The following SDK2 variants were observed in gnomAD, a reference collection of about 807,000 sequenced individuals.
SDK2 encodes protein sidekick-2.
In SDK2, 105 loss-of-function variants were observed where a neutral mutation model predicts 253.9. The observed-to-expected ratio is 0.41, with a 90% CI of 0.35 to 0.49. The LOEUF is 0.49. Ranked by LOEUF, SDK2 falls within the 20% of genes least tolerant of loss-of-function variation. The pLI, the probability that SDK2 is intolerant of heterozygous loss-of-function variation, is 0.06. For synonymous variants in SDK2, 1,249 were observed against 1,234.9 expected (o/e 1.01, Z -0.24); for missense variants, 2,608 against 3,003.0 (o/e 0.87, Z 3.07).
Position 73,401,998 on chromosome 17 carries a change from G to A in SDK2, c.2628C>T (p.Thr876=). 1 of 1,613,734 alleles carries A rather than the reference G, an allele frequency of 6.2e-7. No homozygotes were observed. Among genetic ancestry groups the A allele is most frequent in the Middle Eastern group, 1.6e-4 (1 of 6,062 alleles). The change falls in exon 19 of 45, where the codon ACC becomes ACT. Residue 876 remains threonine (T), a synonymous_variant. Coordinates refer to ENST00000392650, the MANE Select transcript of SDK2 (RefSeq NM_001144952.2). ...GGGTGCTGCGTGGCCCGTCCCCGGGGGTGGTGAAACACAGCACTGAGGTGA... is the reference window on the plus strand; with the variant it reads ...GGGTGCTGCGTGGCCCGTCCCCGGGAGTGGTGAAACACAGCACTGAGGTGA... ...EYFTSVLCFT[T]PGDGPRSTPQ...
rs767602704 is a variant in SDK2 at position 73,352,441 on chromosome 17, C to T, written c.5758+32G>A. 2 of 1,590,648 alleles carry T rather than the reference C, an allele frequency of 1.3e-6. No homozygotes were observed. The highest frequency in any genetic ancestry group is 2.3e-5 in the South Asian group (2 of 88,190). ...TCAGCCCCCAGGCTCTGCTGTGGGG[C>T]TCCCCCACTCCCTCAGCCCCCAGGC... On this transcript the variant is annotated intron_variant, in intron 41 of 44. Coordinates refer to ENST00000392650, the MANE Select transcript of SDK2 (RefSeq NM_001144952.2). The surrounding 1 kb of genome is among the most constrained non-coding windows in gnomAD (Gnocchi z 4.1).
chr17:73,519,651 G>A (rs1312723949), intron 1 of SDK2: 2 of 152,210 alleles, frequency 1.3e-5, no homozygotes, highest in African/African-American at 4.8e-5. Context: ...AAGCTCAGAT[G>A]AGAGAGGTAC....
At chr17:73,554,020 C>T (rs998109214) in intron 1 of SDK2, among the ~76,000 whole-genome samples, 1 of 152,136 alleles carries the variant, frequency 6.6e-6, no homozygotes, top group African/African-American at 2.4e-5. Flanking sequence ...CTGAGGCTCA[C>T]AGGGAGAGGG....
intron 1 of SDK2, among the ~76,000 whole-genome samples, chr17:73,586,802 A>T (rs549225317): frequency 6.6e-6 from 1 of 152,252 alleles, no homozygotes; most frequent in Admixed American, 6.5e-5. Flanking sequence ...CAGAGATTTT[A>T]TCTCATCCGA....
intron 21 of SDK2, among the ~76,000 whole-genome samples, chr17:73,399,720 G>A (rs1184815004): frequency 6.6e-6 from 1 of 152,196 alleles, no homozygotes; most frequent in Non-Finnish European, 1.5e-5. Context: ...CCTAATTACA[G>A]CTCAGGAAGG....
intron 2 of SDK2, among the ~76,000 whole-genome samples, chr17:73,502,245 G>A (rs1599626957): frequency 6.6e-6 from 1 of 152,118 alleles, no homozygotes; most frequent in African/African-American, 2.4e-5. Context: ...CTCTCAACTT[G>A]CTGAGTAAAT....
intron 27 of SDK2, among the ~76,000 whole-genome samples, 182 bp downstream of exon 27, chr17:73,393,377 AG>A (rs1388694197): frequency 2.0e-5 from 3 of 152,100 alleles, no homozygotes; most frequent in African/African-American, 7.2e-5. Context: ...AGGGATACAC[AG>A]GCTGTAATTA....
chr17:73,398,074 C>T lies in SDK2; in HGVS notation c.3315G>A (p.Leu1105=). The change falls in exon 24 of 45, where the codon CTG becomes CTA. Residue 1105 remains leucine (L), a synonymous_variant. Coordinates refer to ENST00000392650, the MANE Select transcript of SDK2 (RefSeq NM_001144952.2). ...PPDMAPANVS[L]RTASETSLWL... ...ACAGGCTGGTCTCACTGGCTGTGCG[C>T]AGAGACACATTGGCTGGGGCCATGT... is the stretch of plus-strand genomic sequence containing the variant. 2 of 1,613,400 alleles carry T rather than the reference C, an allele frequency of 1.2e-6. No homozygotes were observed. The highest frequency in any genetic ancestry group is 8.5e-7 in the Non-Finnish European group (1 of 1,179,890).
At chr17:73,442,953 C>T (rs1002715036) in intron 5 of SDK2, among the ~76,000 whole-genome samples, 3 of 151,480 alleles carry the variant, frequency 2.0e-5, no homozygotes, top group East Asian at 1.9e-4. Flanking sequence ...AGTGTAGGCC[C>T]GATATTGGCA....
In SDK2 at chr17:73,581,622, G is replaced by A. The variant is rs888076976; in HGVS notation, c.64+62403C>T. Among the ~76,000 whole-genome samples, 10 of 152,244 alleles carry A rather than the reference G, an allele frequency of 6.6e-5. 1 individual carries two copies. Among genetic ancestry groups the A allele is most frequent in the Admixed American group, 6.5e-4 (10 of 15,278 alleles). On this transcript the variant is annotated intron_variant, in intron 1 of 44. Transcript: ENST00000392650. ...TCAGTTGGTGCTCGCTGGACCAGCT[G>A]CTGCCCACCCCTGCATCTTTGCCCA...
chr17:73,619,162 G>A (rs1314028757), intron 1 of SDK2, among the ~76,000 whole-genome samples: 2 of 135,098 alleles, frequency 1.5e-5, no homozygotes, highest in Non-Finnish European at 3.2e-5. Context: ...GCGAGACCCT[G>A]TCTCAAAAAA....
intron 1 of SDK2, among the ~76,000 whole-genome samples, chr17:73,563,079 C>G (rs2045261825): frequency 6.6e-6 from 1 of 152,206 alleles, no homozygotes; most frequent in Admixed American, 6.5e-5. Context: ...CACCCTGGTC[C>G]TCGGGCCATT....
intron 32 of SDK2, 49 bp downstream of exon 32, chr17:73,385,798 C>A (rs368050484): frequency 3.2e-5 from 48 of 1,517,708 alleles, no homozygotes; most frequent in Non-Finnish European, 4.0e-5. Flanking sequence ...AGTCCCAGAG[C>A]AGAGCTCGTC....
chr17:73,425,245 A>G (rs1359399455), intron 12 of SDK2, among the ~76,000 whole-genome samples: 1 of 152,212 alleles, frequency 6.6e-6, no homozygotes, highest in Non-Finnish European at 1.5e-5. Context: ...GCCCCCCCAA[A>G]AAACAGAAGC....
At position 73,394,245 on chromosome 17, in the gene SDK2, G is replaced by A. The variant is rs371857762; in HGVS notation, c.3672C>T (p.Pro1224=). 9.9e-5 allele frequency: 158 copies of A among 1,599,144 alleles called. 1 individual carries two copies. Among genetic ancestry groups the A allele is most frequent in the South Asian group, 9.8e-4 (87 of 89,208 alleles). Residue 1224 remains proline, a synonymous_variant, in exon 26 of 45, where the codon CCC becomes CCT. Transcript: ENST00000392650. ...SSMLVRWSEV[P]EADRNGLVLG... is the part of the protein sequence containing the mutation. ...GCACGAGCCCGTTGCGATCAGCCTC[G>A]GGGACCTCGCTCCAGCGCACCAGCA...
At chr17:73,539,674 A>C (rs547364810) in intron 1 of SDK2, among the ~76,000 whole-genome samples, 2 of 152,368 alleles carry the variant, frequency 1.3e-5, no homozygotes, top group East Asian at 3.9e-4. Context: ...TGAAGCCCTC[A>C]GTCCTGGGAC....
intron 32 of SDK2, 144 bp downstream of exon 32, chr17:73,385,703 C>G (rs2062866194): frequency 2.7e-6 from 2 of 728,644 alleles, no homozygotes. Flanking sequence ...ATGCACATGC[C>G]TGGATTTCTC....
rs1471157523 is a variant in SDK2, at chr17:73,612,160, A to G, written c.64+31865T>C. 2.6e-5 allele frequency among the ~76,000 whole-genome samples: 4 copies of G among 152,220 alleles called. No individual in the cohort carries two copies. Among genetic ancestry groups the G allele is most frequent in the Admixed American group, 6.5e-5 (1 of 15,282 alleles). On this transcript the variant is annotated intron_variant, in intron 1 of 44. Transcript: ENST00000392650. This position sits in a 1 kb window ranked among gnomAD's most constrained non-coding sequence, Gnocchi z 4.4. ...CAGCAATTCCTTTCACCCCCGCTGC[A>G]GCCTCTTCAAGCGAGGAAAGATAAA... is the stretch of plus-strand genomic sequence containing the variant.
intron 1 of SDK2, among the ~76,000 whole-genome samples, chr17:73,515,710 GC>G (rs2064020822): frequency 6.6e-6 from 1 of 152,258 alleles, no homozygotes; most frequent in East Asian, 1.9e-4. Flanking sequence ...CCACCCTGCA[GC>G]CCTGCTCCCG....
Sources: allele counts gnomAD v4.1 joint callset (sites outside exome capture counted in the v4.1 genomes callset), GRCh38; gene constraint gnomAD v4.1.1; non-coding constraint Gnocchi (gnomAD v3.1); transcripts MANE v1.5; gene names NCBI Gene and HGNC (gene_info 2026-07-23, HGNC 2026-07-21).